The following ZFPM2 variants were observed in gnomAD, a reference collection of about 807,000 sequenced individuals.
The protein encoded by ZFPM2 is zinc finger protein, FOG family member 2.
In ZFPM2, 20 loss-of-function variants were observed where a neutral mutation model predicts 98.6. The ratio of observed to expected loss-of-function variants is 0.20; its 90% CI spans 0.14 to 0.29. ZFPM2 has a LOEUF of 0.29. ZFPM2 is among the 10% of genes least tolerant of loss of function. The pLI, the probability that ZFPM2 is intolerant of heterozygous loss-of-function variation, is 1.00. For synonymous variants in ZFPM2, 518 were observed against 502.7 expected (o/e 1.03, Z -0.41); for missense variants, 1,310 against 1,388.6 (o/e 0.94, Z 0.90).
rs537239738 is a variant in ZFPM2, at chr8:105,351,767, T to G, written c.40+32786T>G. Among the ~76,000 whole-genome samples, 27 of 152,292 alleles carry G rather than the reference T, an allele frequency of 1.8e-4. No homozygotes were observed. In the East Asian group the frequency reaches 3.1e-3, roughly 17 times the overall value. ...TTCTCTGAACCAAATATATGTTGTT[T>G]TTTTTTTAATATTCAAATTCATTGC... On this transcript the variant is annotated intron_variant, in intron 1 of 7. Coordinates refer to ENST00000407775, the MANE Select transcript of ZFPM2 (RefSeq NM_012082.4).
intron 5 of ZFPM2, among the ~76,000 whole-genome samples, chr8:105,736,461 A>AT (rs1328523094): frequency 2.0e-5 from 3 of 152,032 alleles, no homozygotes; most frequent in Non-Finnish European, 4.4e-5. Context: ...AAGTAAGCAG[A>AT]TAAAAATAAA....
rs555726587 is a variant in ZFPM2 at position 105,649,917 on chromosome 8, C to T, written c.532+15560C>T. On this transcript the variant is annotated intron_variant, in intron 5 of 7. Transcript: ENST00000407775. Reference sequence around the variant, plus strand: ...TCATAGACTGAGTTAGGGAGGATTCCCTCTTTTTCTATTGATTGGAATAGT... The same window carrying T: ...TCATAGACTGAGTTAGGGAGGATTCTCTCTTTTTCTATTGATTGGAATAGT... Among the ~76,000 whole-genome samples the T allele has an allele frequency of 8.5e-5, 13 of 152,268 alleles. No homozygotes were observed. In the East Asian group the frequency reaches 2.3e-3, roughly 27 times the overall value.
intron 4 of ZFPM2, among the ~76,000 whole-genome samples, chr8:105,598,687 T>C (rs1563736962): frequency 6.6e-6 from 1 of 152,162 alleles, no homozygotes; most frequent in East Asian, 1.9e-4. Flanking sequence ...TTTGCCTCCT[T>C]GTTCCTACAT....
chr8:105,546,499 CCAGA>C (rs1814702127), intron 3 of ZFPM2, among the ~76,000 whole-genome samples: 1 of 149,594 alleles, frequency 6.7e-6, no homozygotes, highest in Admixed American at 6.8e-5. Flanking sequence ...AACCTGGGAG[CCAGA>C]GGTTGCTGTG....
chr8:105,685,572 A>G (rs1479018432), intron 5 of ZFPM2, among the ~76,000 whole-genome samples: 1 of 151,870 alleles, frequency 6.6e-6, no homozygotes, highest in Non-Finnish European at 1.5e-5. Context: ...AACAAATTTG[A>G]CTTTTTTTTC....
chr8:105,485,308 TTTGTTTG>T (rs1813209283), intron 3 of ZFPM2, among the ~76,000 whole-genome samples: 1 of 151,398 alleles, frequency 6.6e-6, no homozygotes, highest in African/African-American at 2.4e-5. Flanking sequence ...TGTTTGTTTG[TTTGTTTG>T]TTTTTGATTG....
At chr8:105,553,753 G>T (rs1190043464) in intron 3 of ZFPM2, among the ~76,000 whole-genome samples, 3 of 152,150 alleles carry the variant, frequency 2.0e-5, no homozygotes, top group Non-Finnish European at 4.4e-5. Context: ...ACATCAAAAA[G>T]ATCCCATCTG....
At chr8:105,760,935 G>T (rs1452431975) in intron 5 of ZFPM2, among the ~76,000 whole-genome samples, 1 of 152,008 alleles carries the variant, frequency 6.6e-6, no homozygotes, top group Non-Finnish European at 1.5e-5. Context: ...ACCATAGGAA[G>T]TATGAGATAT....
intron 5 of ZFPM2, among the ~76,000 whole-genome samples, chr8:105,667,939 G>A (rs1009908293): frequency 1.3e-5 from 2 of 152,146 alleles, no homozygotes; most frequent in African/African-American, 2.4e-5. Context: ...TAAAACCAAA[G>A]CTTAAACCAA....
intron 5 of ZFPM2, among the ~76,000 whole-genome samples, chr8:105,720,147 T>G (rs577889572): frequency 6.6e-6 from 1 of 151,978 alleles, no homozygotes; most frequent in African/African-American, 2.4e-5. Flanking sequence ...CGAATTTTAC[T>G]AACCAGCATT....
chr8:105,411,816 A>G (rs114248723), intron 1 of ZFPM2, among the ~76,000 whole-genome samples: 82 of 151,824 alleles, frequency 5.4e-4, no homozygotes, highest in African/African-American at 1.9e-3. Flanking sequence ...GAATTTTCTC[A>G]ATGCCTGAGT....
At chr8:105,649,699 G>A (rs910776848) in intron 5 of ZFPM2, among the ~76,000 whole-genome samples, 6 of 152,150 alleles carry the variant, frequency 3.9e-5, no homozygotes, top group Non-Finnish European at 7.3e-5. Flanking sequence ...ATTTGCGTAT[G>A]TTGAACCAGC....
intron 6 of ZFPM2, among the ~76,000 whole-genome samples, chr8:105,793,193 C>T (rs1206896619): frequency 2.6e-5 from 4 of 151,834 alleles, no homozygotes; most frequent in Admixed American, 1.3e-4. Context: ...ATGGTCTTTA[C>T]GTTTTGGCAT....
intron 1 of ZFPM2, among the ~76,000 whole-genome samples, chr8:105,383,223 A>G (rs1358387294): frequency 8.5e-5 from 13 of 152,108 alleles, no homozygotes; most frequent in Non-Finnish European, 1.3e-4. Flanking sequence ...TAATAAACAT[A>G]TTAGCATACG....
intron 1 of ZFPM2, among the ~76,000 whole-genome samples, chr8:105,376,413 A>G (rs1295903646): frequency 6.6e-6 from 1 of 152,144 alleles, no homozygotes; most frequent in Non-Finnish European, 1.5e-5. Context: ...ATAGCTGTAA[A>G]TACCTTCTGT....
Position 105,803,002 on chromosome 8 carries a change from A to G in ZFPM2, c.2920A>G (p.Lys974Glu), listed in dbSNP as rs775936845. Residue 974 changes from lysine to glutamate, a missense_variant, in exon 8 of 8, where the codon AAA becomes GAA. Lys to Glu is a moderately conservative substitution (Grantham distance 56, BLOSUM62 1). Coordinates refer to ENST00000407775, the MANE Select transcript of ZFPM2 (RefSeq NM_012082.4). The stretch of plus-strand genomic sequence containing the variant: ...ATGCCTTTACCCTGGAGCAATAAAG[A>G]AAGCAAAAGGAGCCGACCAGCTTTC... ...PQCLYPGAIK[K>E]AKGADQLSPY... 6.2e-7 allele frequency: 1 copy of G among 1,613,126 alleles called. No homozygotes were observed. The highest frequency in any genetic ancestry group is 1.1e-5 in the South Asian group (1 of 90,968).
chr8:105,579,123 A>T (rs1478375365), intron 4 of ZFPM2, among the ~76,000 whole-genome samples: 1 of 152,174 alleles, frequency 6.6e-6, no homozygotes, highest in Non-Finnish European at 1.5e-5. Flanking sequence ...ACAATTTTTT[A>T]AAAAATGTTT....
intron 4 of ZFPM2, among the ~76,000 whole-genome samples, chr8:105,575,350 T>A (rs1815444181): frequency 6.6e-6 from 1 of 152,178 alleles, no homozygotes. Context: ...TCCCCAATTG[T>A]TGTAGCCCCT....
chr8:105,648,385 A>C (rs1255250402), intron 5 of ZFPM2, among the ~76,000 whole-genome samples: 2 of 152,314 alleles, frequency 1.3e-5, no homozygotes, highest in African/African-American at 4.8e-5. Context: ...TAGTTTAATT[A>C]GATTCCATTT....
Sources: allele counts gnomAD v4.1 joint callset (sites outside exome capture counted in the v4.1 genomes callset), GRCh38; gene constraint gnomAD v4.1.1; transcripts MANE v1.5; gene names NCBI Gene and HGNC (gene_info 2026-07-23, HGNC 2026-07-21).